KIAA1217: variants seen among roughly 807,000 people sequenced by gnomAD.
KIAA1217 encodes KIAA1217.
A neutral mutation model predicts 163.9 loss-of-function variants in KIAA1217; 88 were observed. The ratio of observed to expected loss-of-function variants is 0.54; its 90% CI spans 0.45 to 0.64. The LOEUF is 0.64. Among genes scored for constraint, KIAA1217 ranks in the 30% least tolerant of loss-of-function variants. KIAA1217 has a pLI of 0.00. For synonymous variants in KIAA1217, 903 were observed against 923.1 expected (o/e 0.98, Z 0.39); for missense variants, 2,372 against 2,475.0 (o/e 0.96, Z 0.88).
At chr10:23,927,095 A>G (rs1843052561) in intron 1 of KIAA1217, among the ~76,000 whole-genome samples, 1 of 151,558 alleles carries the variant, frequency 6.6e-6, no homozygotes, top group Non-Finnish European at 1.5e-5. Context: ...TTTTGTAGAG[A>G]CAGATTTTCT....
At chr10:24,175,069 C>T (rs2065810293) in intron 2 of KIAA1217, among the ~76,000 whole-genome samples, 1 of 151,860 alleles carries the variant, frequency 6.6e-6, no homozygotes, top group Admixed American at 6.6e-5. Context: ...ACTATGTTGG[C>T]CAGCGTGGTC....
intron 2 of KIAA1217, among the ~76,000 whole-genome samples, chr10:24,335,616 A>ATTTATTTATTTATTTATT (rs1303896423): frequency 7.0e-5 from 8 of 113,954 alleles, no homozygotes; most frequent in African/African-American, 2.6e-4. Flanking sequence ...TTATTTATTT[A>ATTTATTTATTTATTTATT]TTTATTTATT....
intron 20 of KIAA1217, chr10:24,545,325 T>C (rs561985155): frequency 1.6e-5 from 22 of 1,402,706 alleles, no homozygotes; most frequent in Non-Finnish European, 1.9e-5. Context: ...GACTCCAAAC[T>C]CCAAATTTTA....
intron 2 of KIAA1217, among the ~76,000 whole-genome samples, chr10:24,350,036 T>C (rs1404667774): frequency 1.3e-5 from 2 of 152,168 alleles, no homozygotes; most frequent in African/African-American, 4.8e-5. Flanking sequence ...AAAGCAGGCA[T>C]GATGCATGGT....
At chr10:24,340,689 T>C (rs2133817671) in intron 2 of KIAA1217, among the ~76,000 whole-genome samples, 1 of 152,288 alleles carries the variant, frequency 6.6e-6, no homozygotes, top group Middle Eastern at 3.4e-3. Context: ...AGCAGAGCAA[T>C]TCATTGTGAA....
chr10:23,886,474 T>C (rs1841179718), intron 1 of KIAA1217, among the ~76,000 whole-genome samples: 1 of 151,964 alleles, frequency 6.6e-6, no homozygotes, highest in African/African-American at 2.4e-5. Context: ...GCCATGTCAG[T>C]CAGAGGCCAG....
intron 1 of KIAA1217, among the ~76,000 whole-genome samples, chr10:23,724,469 T>C (rs7915457): frequency 0.22 from 33,225 of 152,164 alleles, 3,871 homozygotes; most frequent in African/African-American, 0.29. Context: ...TATGCTTAAC[T>C]TTTAAATCAT....
At chr10:23,867,239 C>G (rs1431150421) in intron 1 of KIAA1217, among the ~76,000 whole-genome samples, 1 of 152,106 alleles carries the variant, frequency 6.6e-6, no homozygotes, top group East Asian at 1.9e-4. Flanking sequence ...TTTTCTTAAT[C>G]CAGTCTATCA....
chr10:23,789,889 T>C (rs1011283711), intron 1 of KIAA1217, among the ~76,000 whole-genome samples: 2 of 148,918 alleles, frequency 1.3e-5, no homozygotes, highest in Non-Finnish European at 3.0e-5. Context: ...ATATATATCA[T>C]ATATATGATA....
intron 2 of KIAA1217, among the ~76,000 whole-genome samples, chr10:24,044,382 T>C (rs1446462502): frequency 6.6e-6 from 1 of 152,188 alleles, no homozygotes; most frequent in Non-Finnish European, 1.5e-5. Context: ...GTGTTAGTTC[T>C]TTAGAATGTT....
intron 3 of KIAA1217, among the ~76,000 whole-genome samples, chr10:24,423,093 A>G (rs1208867511): frequency 6.6e-6 from 1 of 151,450 alleles, no homozygotes; most frequent in Non-Finnish European, 1.5e-5. Context: ...TATTTTTAGT[A>G]GAGATGGGAG....
intron 3 of KIAA1217, among the ~76,000 whole-genome samples, chr10:24,428,488 A>G (rs2059346543): frequency 6.6e-6 from 1 of 152,182 alleles, no homozygotes; most frequent in Admixed American, 6.5e-5. Flanking sequence ...CTAGTCAAGG[A>G]AACAGCCACT....
chr10:24,490,587 C>A (rs2065980586), intron 6 of KIAA1217, among the ~76,000 whole-genome samples: 2 of 152,182 alleles, frequency 1.3e-5, no homozygotes, highest in East Asian at 1.9e-4. Context: ...CAATATGAAT[C>A]CTGAAACCAG....
chr10:24,174,486 G>A (rs2065777066), intron 2 of KIAA1217, among the ~76,000 whole-genome samples: 1 of 152,146 alleles, frequency 6.6e-6, no homozygotes, highest in Non-Finnish European at 1.5e-5. Flanking sequence ...CACAGAAGAG[G>A]ATTAACCAAG....
intron 1 of KIAA1217, among the ~76,000 whole-genome samples, chr10:23,865,362 C>A (rs532427640): frequency 6.6e-6 from 1 of 152,140 alleles, no homozygotes; most frequent in Non-Finnish European, 1.5e-5. Flanking sequence ...ATTTATTAAT[C>A]ATTTAGCCTC....
intron 2 of KIAA1217, among the ~76,000 whole-genome samples, chr10:24,346,361 A>G (rs937252218): frequency 1.3e-5 from 2 of 151,904 alleles, no homozygotes; most frequent in East Asian, 2.0e-4. Flanking sequence ...AGTCCCAGCT[A>G]CTTGGGAGGC....
intron 2 of KIAA1217, among the ~76,000 whole-genome samples, chr10:24,165,030 G>A (rs1477003224): frequency 6.6e-6 from 1 of 152,200 alleles, no homozygotes; most frequent in African/African-American, 2.4e-5. Flanking sequence ...TGCTTAGGGA[G>A]CAAACAAACA....
At chr10:23,983,645 A>G (rs1459603906) in intron 1 of KIAA1217, among the ~76,000 whole-genome samples, 1 of 152,188 alleles carries the variant, frequency 6.6e-6, no homozygotes, top group East Asian at 1.9e-4. Flanking sequence ...CCCCTCTTCC[A>G]ACATTGGGGA....
intron 2 of KIAA1217, among the ~76,000 whole-genome samples, chr10:24,274,409 C>A (rs992636605): frequency 2.0e-5 from 3 of 151,936 alleles, no homozygotes; most frequent in African/African-American, 7.3e-5. Flanking sequence ...CTGTGTTCTC[C>A]ATTCTAAGTC....
Sources: gnomAD v4.1 joint callset for allele counts (sites outside exome capture counted in the v4.1 genomes callset) on GRCh38, gnomAD v4.1.1 for gene constraint, MANE v1.5 for transcripts, NCBI Gene and HGNC (gene_info 2026-07-23, HGNC 2026-07-21) for gene names.